Variants in PLEKHG4B observed in about 807,000 individuals in gnomAD.
PLEKHG4B encodes the protein pleckstrin homology and RhoGEF domain containing G4B, also known as pleckstrin homology domain-containing family G member 4B.
PLEKHG4B carries 111 observed loss-of-function variants against 121.3 expected under a neutral mutation model. That is an observed-to-expected ratio of 0.92 (90% confidence interval 0.78 to 1.07). The LOEUF (loss-of-function observed/expected upper bound fraction) is 1.07, where lower values mean the gene tolerates loss of function less well. PLEKHG4B is among the 50% of genes least tolerant of loss of function. The pLI, the probability that PLEKHG4B is intolerant of heterozygous loss-of-function variation, is 0.00. For missense variants in PLEKHG4B, 1,831 were observed against 1,757.8 expected (o/e 1.04, Z -0.74); for synonymous variants, 738 against 725.0 (o/e 1.02, Z -0.29).
intron 3 of PLEKHG4B, 126 bp from the exon 4 acceptor site, chr5:142,921 T>A: frequency 1.1e-6 from 1 of 925,590 alleles, no homozygotes; most frequent in African/African-American, 1.6e-5. Flanking sequence ...CTGGGACAAG[T>A]TTTCTCGGAA....
intron 14 of PLEKHG4B, 127 bp downstream of exon 14, chr5:169,719 C>A: frequency 1.4e-6 from 2 of 1,394,246 alleles, no homozygotes; most frequent in Non-Finnish European, 1.9e-6. Flanking sequence ...AGGAGCTGGT[C>A]CTGACAGGAT....
intron 1 of PLEKHG4B, among the ~76,000 whole-genome samples, chr5:104,685 G>A (rs182689477): frequency 6.8e-4 from 104 of 152,296 alleles, no homozygotes; most frequent in East Asian, 1.7e-3. Flanking sequence ...AGGCCCCATG[G>A]CGGCCTTGCC....
chr5:164,070 A>G (rs748261099), intron 13 of PLEKHG4B, among the ~76,000 whole-genome samples: 3 of 152,198 alleles, frequency 2.0e-5, no homozygotes, highest in African/African-American at 2.4e-5. Flanking sequence ...CTGAACCTCC[A>G]TCTTCCACCC....
In PLEKHG4B at chr5:173,965, G is replaced by A; in HGVS notation, c.4269G>A (p.Arg1423=). Residue 1423 remains arginine (R), a synonymous_variant, in exon 18 of 20, where the codon AGG becomes AGA. Coordinates refer to ENST00000637938, the MANE Select transcript of PLEKHG4B (RefSeq NM_052909.5). ...AGAACGTCGGGGACAGTGGCTTGAG[G>A]TTTGAGATTTGGTTTCGCAGGCGGC... ...MTENVGDSGL[R]FEIWFRRRRK... is the part of the protein sequence containing the mutation. The A allele has an allele frequency of 6.2e-7, 1 of 1,613,316 alleles. No individual in the cohort carries two copies. The highest frequency in any genetic ancestry group is 8.5e-7 in the Non-Finnish European group (1 of 1,179,822).
chr5:112,327 G>A (rs965220201), intron 1 of PLEKHG4B, among the ~76,000 whole-genome samples: 5 of 152,198 alleles, frequency 3.3e-5, no homozygotes, highest in African/African-American at 1.2e-4. Flanking sequence ...CAGGCCAGAG[G>A]AGTCCCTGTT....
chr5:141,584 TCA>T (rs1491346183), intron 3 of PLEKHG4B, among the ~76,000 whole-genome samples: 3 of 151,722 alleles, frequency 2.0e-5, no homozygotes, highest in African/African-American at 7.3e-5. Context: ...ATCCGTAGAC[TCA>T]GTTTCCAACT....
chr5:96,765 A>G (rs1733640737), intron 1 of PLEKHG4B, among the ~76,000 whole-genome samples: 1 of 152,206 alleles, frequency 6.6e-6, no homozygotes, highest in South Asian at 2.1e-4. Flanking sequence ...AAAAGACAGT[A>G]TTTAAAAAGA....
Position 163,466 on chromosome 5 carries a change from C to T in PLEKHG4B, c.3394C>T (p.Pro1132Ser), listed in dbSNP as rs774992503. The T allele has an allele frequency of 6.8e-6, 11 of 1,612,710 alleles. No individual in the cohort carries two copies. In the East Asian group the frequency reaches 2.5e-4, roughly 36 times the overall value. ...KLPLWQHARS[P>S]PVTQSRSLSS... The stretch of plus-strand genomic sequence containing the variant: ...CCCGCTGTGGCAGCATGCCAGGAGC[C>T]CCCCGGTCACTCAGAGCCGGAGTCT... Residue 1132 changes from proline (P) to serine (S), a missense_variant, in exon 13 of 20, where the codon CCC becomes TCC. Transcript: ENST00000637938.
In PLEKHG4B at chr5:104,390, TC is replaced by T. The variant is rs375012195; in HGVS notation, c.46-8859del. On this transcript the variant is annotated intron_variant, in intron 1 of 19. Transcript: ENST00000637938. ...ACTCAACACTCTTAAGACGACAAAA[TC>T]CAGCTCTTAACATGCAGTATCCACC... Among the ~76,000 whole-genome samples, 57 of 152,290 alleles carry T rather than the reference TC, an allele frequency of 3.7e-4. 1 individual carries two copies. The South Asian group carries it at 9.7e-3, about 26-fold the overall frequency.
At chr5:164,176 CT>C (rs1331042967) in intron 13 of PLEKHG4B, among the ~76,000 whole-genome samples, 2 of 152,274 alleles carry the variant, frequency 1.3e-5, no homozygotes, top group Non-Finnish European at 2.9e-5. Context: ...AATCCCCATC[CT>C]TTTTGCCACC....
chr5:124,224 T>C (rs1734546769), intron 2 of PLEKHG4B, among the ~76,000 whole-genome samples: 1 of 152,224 alleles, frequency 6.6e-6, no homozygotes, highest in African/African-American at 2.4e-5. Context: ...TATCTATCTT[T>C]TTAAGTTTAC....
At chr5:142,577 G>A (rs550445655) in intron 3 of PLEKHG4B, among the ~76,000 whole-genome samples, 6 of 148,918 alleles carry the variant, frequency 4.0e-5, no homozygotes, top group South Asian at 2.1e-4. Context: ...CACACCACAC[G>A]CAGTCACATG....
chr5:144,470 G>A (rs113333829), intron 5 of PLEKHG4B, among the ~76,000 whole-genome samples: 16 of 152,280 alleles, frequency 1.1e-4, no homozygotes, highest in South Asian at 6.2e-4. Context: ...CTGTGCTTAC[G>A]TTAAAGCCCA....
At chr5:102,140 A>G (rs976205355) in intron 1 of PLEKHG4B, among the ~76,000 whole-genome samples, 4 of 151,250 alleles carry the variant, frequency 2.6e-5, no homozygotes, top group African/African-American at 7.3e-5. Context: ...AAGCCCTGGA[A>G]AAAGCCTGTA....
In PLEKHG4B at chr5:156,978, C is replaced by G; in HGVS notation, c.2487+67C>G. 1.1e-5 allele frequency: 17 copies of G among 1,571,822 alleles called. No individual in the cohort carries two copies. The highest frequency in any genetic ancestry group is 1.5e-5 in the Non-Finnish European group (17 of 1,154,916). On this transcript the variant is annotated intron_variant, in intron 11 of 19. Transcript: ENST00000637938. This position sits in a 1 kb window ranked among gnomAD's most constrained non-coding sequence, Gnocchi z 4.4. The stretch of plus-strand genomic sequence containing the variant: ...CCAGGCCAGGCTGGCCAAGGCAACC[C>G]TCTCACCTTCACACTGTGTCTTTAG...
At chr5:145,067 C>T (rs1438156565) in intron 6 of PLEKHG4B, 147 bp downstream of exon 6, 1 of 639,566 alleles carries the variant, frequency 1.6e-6, no homozygotes, top group East Asian at 2.9e-5. Context: ...AGAGCCACCT[C>T]CTTCTTGGGG....
rs533892068 is a variant in PLEKHG4B at position 135,415 on chromosome 5, C to T, written c.244-4068C>T. 1.3e-5 allele frequency among the ~76,000 whole-genome samples: 2 copies of T among 150,664 alleles called. 1 individual carries two copies. The highest frequency in any genetic ancestry group is 4.2e-4 in the South Asian group (2 of 4,758). On this transcript the variant is annotated intron_variant, in intron 2 of 19. Coordinates refer to ENST00000637938, the MANE Select transcript of PLEKHG4B (RefSeq NM_052909.5). ...GGTGTGGTGGCTCACGCTTGCAATG[C>T]CAGTACTTTGGGAGGCCGAGGTGGC...
Position 181,554 on chromosome 5 carries a change from C to T in PLEKHG4B, c.4443C>T (p.Asn1481=), listed in dbSNP as rs775804144. 6 of 1,614,094 alleles carry T rather than the reference C, an allele frequency of 3.7e-6. No individual in the cohort carries two copies. In the East Asian group the frequency reaches 1.3e-4, roughly 36 times the overall value. The stretch of plus-strand genomic sequence containing the variant: ...AAATGGCATCCATGGGTATAGGCAA[C>T]CAGCCATTCATGGATGTCAAGCCCA... The part of the protein sequence containing the change: ...IQEMASMGIG[N]QPFMDVKPRD... Residue 1481 remains asparagine (N), a synonymous_variant, in exon 19 of 20, where the codon AAC becomes AAT. Transcript: ENST00000637938.
rs1482707517 is a variant in PLEKHG4B, at chr5:163,458, C to T, written c.3386C>T (p.Ala1129Val). 1.2e-6 allele frequency: 2 copies of T among 1,612,908 alleles called. No individual in the cohort carries two copies. Among genetic ancestry groups the T allele is most frequent in the Non-Finnish European group, 1.7e-6 (2 of 1,180,030 alleles). ...AAGAAGCTCCCGCTGTGGCAGCATG[C>T]CAGGAGCCCCCCGGTCACTCAGAGC... ...TEKKLPLWQH[A>V]RSPPVTQSRS... Residue 1129 changes from alanine (A) to valine (V), a missense_variant, in exon 13 of 20, where the codon GCC becomes GTC. Physicochemically the swap from Ala to Val is moderately conservative, Grantham distance 64. Transcript: ENST00000637938.
Sources: allele counts gnomAD v4.1 joint callset (sites outside exome capture counted in the v4.1 genomes callset), GRCh38; gene constraint gnomAD v4.1.1; non-coding constraint Gnocchi (gnomAD v3.1); transcripts MANE v1.5; gene names NCBI Gene and HGNC (gene_info 2026-07-23, HGNC 2026-07-21).